Variants in CDH13 observed in about 807,000 individuals in gnomAD.
CDH13 encodes cadherin-13.
Under a neutral mutation model 63.8 loss-of-function variants are expected in CDH13, and 24 were observed. The ratio of observed to expected loss-of-function variants is 0.38; its 90% CI spans 0.27 to 0.53. The LOEUF (loss-of-function observed/expected upper bound fraction) is 0.53, where lower values mean the gene tolerates loss of function less well. Among genes scored for constraint, CDH13 ranks in the 20% least tolerant of loss-of-function variants. CDH13 has a pLI of 0.85. For missense variants in CDH13, 1,049 were observed against 903.1 expected (o/e 1.16, Z -2.07); for synonymous variants, 503 against 355.3 (o/e 1.42, Z -4.67).
rs747045728 is a variant in CDH13, at chr16:83,379,919, G to GTATATATATA, written c.781+34924_781+34933dup. Among the ~76,000 whole-genome samples, 168 of 126,404 alleles carry GTATATATATA rather than the reference G, an allele frequency of 1.3e-3. 4 individuals carry two copies. Among genetic ancestry groups the GTATATATATA allele is most frequent in the African/African-American group, 5.0e-3 (156 of 31,198 alleles). The allele number at this position is 126,404 out of a possible 152,430, so 82.9% of individuals were successfully genotyped here. On this transcript the variant is annotated intron_variant, in intron 6 of 13. Transcript: ENST00000567109. The stretch of plus-strand genomic sequence containing the variant: ...ATATATGTATTATATATGTGTGTGT[G>GTATATATATA]TATATATATATATATATATAGAGAG...
At chr16:83,747,392 C>G (rs1416722686) in intron 10 of CDH13, among the ~76,000 whole-genome samples, 1 of 152,166 alleles carries the variant, frequency 6.6e-6, no homozygotes, top group Non-Finnish European at 1.5e-5. Flanking sequence ...TGGTTTCACT[C>G]TCTCGTCTGC....
chr16:83,349,855 C>T (rs561059477), intron 6 of CDH13, among the ~76,000 whole-genome samples: 1 of 152,098 alleles, frequency 6.6e-6, no homozygotes, highest in African/African-American at 2.4e-5. Context: ...CCCACCTTGG[C>T]CTCCCAAATG....
intron 2 of CDH13, among the ~76,000 whole-genome samples, chr16:82,934,931 C>T (rs2042618342): frequency 6.6e-6 from 1 of 152,194 alleles, no homozygotes; most frequent in Non-Finnish European, 1.5e-5. Context: ...TTCCTGTGTT[C>T]TTCTGAGTCC....
intron 3 of CDH13, among the ~76,000 whole-genome samples, chr16:83,109,294 T>C (rs887364106): frequency 6.6e-6 from 1 of 151,994 alleles, no homozygotes; most frequent in Admixed American, 6.6e-5. Context: ...GTGAGTGCAG[T>C]ATGGTGGGAA....
intron 1 of CDH13, among the ~76,000 whole-genome samples, chr16:82,827,261 C>G (rs975812592): frequency 6.6e-6 from 1 of 152,158 alleles, no homozygotes; most frequent in African/African-American, 2.4e-5. Flanking sequence ...GAATTCCCTT[C>G]TAATAGGATG....
In CDH13 at chr16:82,721,688, GT is replaced by G. The variant is rs34464863; in HGVS notation, c.45+94552del. Among the ~76,000 whole-genome samples the G allele has an allele frequency of 9.5e-3, 1,444 of 152,284 alleles. 28 individuals are homozygous for G. Among genetic ancestry groups the G allele is most frequent in the African/African-American group, 0.034 (1,392 of 41,552 alleles). Reference sequence around the variant, plus strand: ...CTTTGACAGAGAGAACTTGTGCCAGGTCATTCTGGTCTTTGTAGGCCATGAT... The same window carrying G: ...CTTTGACAGAGAGAACTTGTGCCAGGCATTCTGGTCTTTGTAGGCCATGAT... On this transcript the variant is annotated intron_variant, in intron 1 of 13. Transcript: ENST00000567109.
At chr16:82,682,413 C>CTATT (rs1914646192) in intron 1 of CDH13, among the ~76,000 whole-genome samples, 1 of 152,184 alleles carries the variant, frequency 6.6e-6, no homozygotes, top group Non-Finnish European at 1.5e-5. Flanking sequence ...GAGAGGCCAC[C>CTATT]TATTGGAGGC....
rs182594464 is a variant in CDH13, at chr16:83,688,834, G to A, written c.1538+10373G>A. ...TTAGCACAGATGACTCTTGTTTTTA[G>A]TGGTCAGATGTTCTGTTATGAAGAT... On this transcript the variant is annotated intron_variant, in intron 10 of 13. Coordinates refer to ENST00000567109, the MANE Select transcript of CDH13 (RefSeq NM_001257.5). Among the ~76,000 whole-genome samples, 900 of 152,160 alleles carry A rather than the reference G, an allele frequency of 5.9e-3. 8 individuals carry two copies. Among genetic ancestry groups the A allele is most frequent in the Non-Finnish European group, 5.6e-3 (378 of 68,006 alleles).
chr16:82,795,728 TCTG>T (rs1186347101), intron 1 of CDH13, among the ~76,000 whole-genome samples: 1 of 152,114 alleles, frequency 6.6e-6, no homozygotes, highest in African/African-American at 2.4e-5. Context: ...CCAGCTCACT[TCTG>T]AGCTCTGGAC....
intron 2 of CDH13, among the ~76,000 whole-genome samples, chr16:82,952,424 T>C (rs1905425402): frequency 6.6e-6 from 1 of 152,172 alleles, no homozygotes; most frequent in African/African-American, 2.4e-5. Flanking sequence ...TTTCAATGAG[T>C]GTTGGCTAGC....
chr16:82,703,658 T>C (rs904255584), intron 1 of CDH13, among the ~76,000 whole-genome samples: 3 of 152,114 alleles, frequency 2.0e-5, no homozygotes, highest in African/African-American at 7.2e-5. Context: ...ATACGCTACT[T>C]AAGACAAGGG....
rs140228909 is a variant in CDH13, at chr16:83,789,482, G to C, written c.2135-5541G>C. On this transcript the variant is annotated intron_variant, in intron 13 of 13. Coordinates refer to ENST00000567109, the MANE Select transcript of CDH13 (RefSeq NM_001257.5). ...CTGCCTCAGCCTCTGAAGTAGCTGG[G>C]ATTACAGGCACCTGCCACCACGCCC... 3.6e-3 allele frequency among the ~76,000 whole-genome samples: 555 copies of C among 152,148 alleles called. 11 individuals are homozygous for C. The East Asian group carries it at 0.059, about 16-fold the overall frequency.
chr16:82,802,642 G>T (rs1026075977), intron 1 of CDH13, among the ~76,000 whole-genome samples: 1 of 152,090 alleles, frequency 6.6e-6, no homozygotes, highest in Non-Finnish European at 1.5e-5. Context: ...GTCTCCAACC[G>T]CATCTTATAA....
In CDH13 at chr16:83,154,657, C is replaced by G. The variant is rs558316174; in HGVS notation, c.483+29156C>G. 1.2e-4 allele frequency among the ~76,000 whole-genome samples: 19 copies of G among 152,098 alleles called. No individual in the cohort carries two copies. The South Asian group carries it at 3.7e-3, about 30-fold the overall frequency. On this transcript the variant is annotated intron_variant, in intron 4 of 13. Coordinates refer to ENST00000567109, the MANE Select transcript of CDH13 (RefSeq NM_001257.5). The stretch of plus-strand genomic sequence containing the variant: ...TGCAGCAGAATGTAGCCTAAGCTGA[C>G]TGATAAAACATTGACTAAGCAACTC...
intron 10 of CDH13, among the ~76,000 whole-genome samples, chr16:83,715,379 A>G (rs1362721964): frequency 6.6e-6 from 1 of 152,162 alleles, no homozygotes; most frequent in African/African-American, 2.4e-5. Flanking sequence ...TTACCCTGGC[A>G]GGTGGTGCCA....
chr16:82,809,326 T>A (rs1191211265), intron 1 of CDH13, among the ~76,000 whole-genome samples: 1 of 140,346 alleles, frequency 7.1e-6, no homozygotes. Context: ...AAAAAAAAAA[T>A]CACTGTAAAT....
At chr16:83,131,741 A>G (rs2036062575) in intron 4 of CDH13, among the ~76,000 whole-genome samples, 1 of 152,176 alleles carries the variant, frequency 6.6e-6, no homozygotes, top group Non-Finnish European at 1.5e-5. Context: ...TTTTCATCAA[A>G]ACCAATGAAA....
intron 6 of CDH13, among the ~76,000 whole-genome samples, chr16:83,396,277 G>A (rs1312951176): frequency 6.6e-6 from 1 of 152,074 alleles, no homozygotes; most frequent in Admixed American, 6.5e-5. Context: ...ATAAAATGGG[G>A]GTAATCCATT....
intron 6 of CDH13, among the ~76,000 whole-genome samples, chr16:83,387,040 G>C (rs2091687948): frequency 6.6e-6 from 1 of 152,164 alleles, no homozygotes; most frequent in African/African-American, 2.4e-5. Context: ...AGTGACAAGG[G>C]AAGTTTGGAA....
Sources: allele counts gnomAD v4.1 joint callset (sites outside exome capture counted in the v4.1 genomes callset), GRCh38; gene constraint gnomAD v4.1.1; transcripts MANE v1.5; gene names NCBI Gene and HGNC (gene_info 2026-07-23, HGNC 2026-07-21).